Variants in NALF1 observed in about 807,000 individuals in gnomAD.
NALF1 encodes family with sequence similarity 155 member A.
NALF1 carries 3 observed loss-of-function variants against 48.4 expected under a neutral mutation model. That is an observed-to-expected ratio of 0.06 (90% confidence interval 0.03 to 0.16). The LOEUF (loss-of-function observed/expected upper bound fraction) is 0.16. Ranked by LOEUF, NALF1 falls within the 10% of genes least tolerant of loss-of-function variation. The pLI, the probability that NALF1 is intolerant of heterozygous loss-of-function variation, is 1.00. For synonymous variants in NALF1, 262 were observed against 245.7 expected (o/e 1.07, Z -0.62); for missense variants, 526 against 571.5 (o/e 0.92, Z 0.81).
chr13:107,607,734 G>C (rs1485505972), intron 1 of NALF1, among the ~76,000 whole-genome samples: 1 of 152,112 alleles, frequency 6.6e-6, no homozygotes, highest in Non-Finnish European at 1.5e-5. Flanking sequence ...CTAGCTGTGT[G>C]ACCCTGGGCA....
intron 2 of NALF1, among the ~76,000 whole-genome samples, chr13:107,183,247 C>T (rs1351396745): frequency 6.6e-6 from 1 of 152,214 alleles, no homozygotes; most frequent in Non-Finnish European, 1.5e-5. Context: ...GCCAGTCCAA[C>T]CCTCCATGCC....
chr13:107,472,882 T>C (rs745824670), intron 1 of NALF1, among the ~76,000 whole-genome samples: 1 of 152,174 alleles, frequency 6.6e-6, no homozygotes, highest in Non-Finnish European at 1.5e-5. Context: ...TAGATACATC[T>C]ATCCTATTAG....
At chr13:107,523,724 T>A (rs914139395) in intron 1 of NALF1, among the ~76,000 whole-genome samples, 3 of 151,890 alleles carry the variant, frequency 2.0e-5, no homozygotes, top group Non-Finnish European at 4.4e-5. Flanking sequence ...ATAAGGCAAA[T>A]CAGAATGATG....
intron 1 of NALF1, among the ~76,000 whole-genome samples, chr13:107,576,033 T>C (rs896800573): frequency 6.6e-6 from 1 of 151,952 alleles, no homozygotes; most frequent in African/African-American, 2.4e-5. Flanking sequence ...TACGTGTTTG[T>C]ATCTTTGTGC....
chr13:107,768,269 C>A (rs981893252), intron 1 of NALF1, among the ~76,000 whole-genome samples: 54 of 152,270 alleles, frequency 3.5e-4, no homozygotes, highest in African/African-American at 1.3e-3. Flanking sequence ...TAATTTGTTT[C>A]TAACATTATG....
intron 2 of NALF1, among the ~76,000 whole-genome samples, chr13:107,176,732 ATGT>A (rs1878947075): frequency 6.6e-6 from 1 of 152,100 alleles, no homozygotes; most frequent in South Asian, 2.1e-4. Flanking sequence ...TTAATTACTC[ATGT>A]TGTAAGTAGA....
At chr13:107,602,383 G>A (rs1447628314) in intron 1 of NALF1, among the ~76,000 whole-genome samples, 1 of 151,478 alleles carries the variant, frequency 6.6e-6, no homozygotes, top group East Asian at 2.0e-4. Context: ...AATAACATCT[G>A]AGATCTCTCC....
intron 1 of NALF1, among the ~76,000 whole-genome samples, chr13:107,648,591 G>A (rs953210719): frequency 2.6e-5 from 4 of 152,150 alleles, no homozygotes; most frequent in African/African-American, 9.6e-5. Flanking sequence ...CCTATTGTAG[G>A]ACATCTTGGT....
chr13:107,477,998 A>C (rs940316140), intron 1 of NALF1, among the ~76,000 whole-genome samples: 7 of 152,140 alleles, frequency 4.6e-5, no homozygotes, highest in Non-Finnish European at 1.0e-4. Flanking sequence ...TGATTTCTCC[A>C]CAGAAGGTTA....
chr13:107,496,883 G>A (rs1298422008), intron 1 of NALF1, among the ~76,000 whole-genome samples: 1 of 152,082 alleles, frequency 6.6e-6, no homozygotes, highest in African/African-American at 2.4e-5. Context: ...GAACAGCATA[G>A]GAAAAACCTG....
chr13:107,249,320 A>C (rs181584911), intron 1 of NALF1, among the ~76,000 whole-genome samples: 2 of 152,242 alleles, frequency 1.3e-5, no homozygotes, highest in Non-Finnish European at 2.9e-5. Flanking sequence ...TAGTTTCTTG[A>C]AAATCTTATT....
At chr13:107,627,944 A>T (rs753208156) in intron 1 of NALF1, among the ~76,000 whole-genome samples, 1 of 152,298 alleles carries the variant, frequency 6.6e-6, no homozygotes. Context: ...TAAAAAATTT[A>T]ATGACCAGTC....
At chr13:107,859,846 A>T (rs565770458) in intron 1 of NALF1, among the ~76,000 whole-genome samples, 68 of 140,790 alleles carry the variant, frequency 4.8e-4, no homozygotes, top group Non-Finnish European at 9.9e-4. Flanking sequence ...ACTCAGGAGG[A>T]GGAGGTTGCA....
chr13:107,177,101 TA>T (rs771964747), intron 2 of NALF1, among the ~76,000 whole-genome samples: 2 of 151,718 alleles, frequency 1.3e-5, no homozygotes, highest in Non-Finnish European at 2.9e-5. Flanking sequence ...GAAAAAGAAA[TA>T]AAGAAAGTTA....
At chr13:107,359,283 C>T (rs1482358280) in intron 1 of NALF1, among the ~76,000 whole-genome samples, 1 of 151,950 alleles carries the variant, frequency 6.6e-6, no homozygotes, top group Non-Finnish European at 1.5e-5. Context: ...CATGGATTTG[C>T]TGGGTATTGT....
chr13:107,780,594 G>A (rs553249725), intron 1 of NALF1, among the ~76,000 whole-genome samples: 32 of 151,834 alleles, frequency 2.1e-4, no homozygotes, highest in Non-Finnish European at 4.0e-4. Flanking sequence ...CTCCTCCCGG[G>A]TTCAAGCAAT....
At chr13:107,738,999 A>C (rs966265745) in intron 1 of NALF1, among the ~76,000 whole-genome samples, 2 of 152,152 alleles carry the variant, frequency 1.3e-5, no homozygotes, top group African/African-American at 4.8e-5. Context: ...ACTGAAATTC[A>C]GTTTTATAAT....
chr13:107,685,265 G>A (rs1380322091), intron 1 of NALF1, among the ~76,000 whole-genome samples: 1 of 152,106 alleles, frequency 6.6e-6, no homozygotes, highest in East Asian at 1.9e-4. Flanking sequence ...AGTGAGCCAA[G>A]ACCTGTGCCA....
intron 1 of NALF1, among the ~76,000 whole-genome samples, chr13:107,482,938 C>A (rs1885276336): frequency 6.6e-6 from 1 of 152,164 alleles, no homozygotes; most frequent in South Asian, 2.1e-4. Flanking sequence ...GTAACTCTCC[C>A]AGAGAGGCCT....
Sources: allele counts gnomAD v4.1 joint callset (sites outside exome capture counted in the v4.1 genomes callset), GRCh38; gene constraint gnomAD v4.1.1; transcripts MANE v1.5; gene names NCBI Gene and HGNC (gene_info 2026-07-23, HGNC 2026-07-21).